The following MTMR8 variants were observed in gnomAD, a reference collection of about 807,000 sequenced individuals.
MTMR8 encodes phosphatidylinositol-3,5-bisphosphate 3-phosphatase MTMR8.
Under a neutral mutation model 39.3 loss-of-function variants are expected in MTMR8, and 65 were observed. The ratio of observed to expected loss-of-function variants is 1.65; its 90% CI spans 1.35 to 2.03. The LOEUF (loss-of-function observed/expected upper bound fraction) is 2.03. Ranked by LOEUF, MTMR8 falls within the 30% of genes most tolerant of loss-of-function variation. The pLI is 0.00. For missense variants in MTMR8, 777 were observed against 538.9 expected (o/e 1.44, Z -4.37); for synonymous variants, 245 against 185.2 (o/e 1.32, Z -2.62).
chrX:64,381,446 GTT>G (rs150707143), intron 1 of MTMR8, among the ~76,000 whole-genome samples: 7,986 of 91,711 alleles, frequency 0.087, 936 homozygotes, highest in African/African-American at 0.3. Flanking sequence ...CGATGGGGTT[GTT>G]TTTTTTTTTT....
chrX:64,280,763 T>C (rs755245978), intron 12 of MTMR8, among the ~76,000 whole-genome samples: 64 of 111,617 alleles, frequency 5.7e-4, no homozygotes, highest in Non-Finnish European at 1.0e-3. Flanking sequence ...AAATTGTCTC[T>C]GTTTGCTGAC....
chrX:64,345,092 A>G lies in MTMR8; in HGVS notation c.818T>C (p.Ile273Thr). ...GCTCCGCATTACATGGATGTTCTCA[A>G]TGCCCATGAATCTGAAGCGAATGTT... ...YANIRFRFMGIENIHVMRSSL... is the reference protein window; with the variant it reads ...YANIRFRFMGTENIHVMRSSL... The change falls in exon 7 of 14, where the codon ATT becomes ACT. Residue 273 changes from isoleucine to threonine, a missense_variant. Transcript: ENST00000374852. The G allele has an allele frequency of 8.3e-7, 1 of 1,211,126 alleles. No homozygotes were observed. The highest frequency in any genetic ancestry group is 1.1e-6 in the Non-Finnish European group (1 of 894,869).
At chrX:64,363,363 C>T (rs920883770) in intron 1 of MTMR8, among the ~76,000 whole-genome samples, 8 of 111,141 alleles carry the variant, frequency 7.2e-5, no homozygotes, top group Non-Finnish European at 5.7e-5. Context: ...TGATTTAGCC[C>T]CATCCTTTCA....
chrX:64,299,805 AC>A (rs1569213762), intron 12 of MTMR8, among the ~76,000 whole-genome samples: 2 of 100,119 alleles, frequency 2.0e-5, no homozygotes, highest in African/African-American at 7.3e-5. Flanking sequence ...GTTTCAAAGA[AC>A]ATCTTTACTT....
intron 1 of MTMR8, among the ~76,000 whole-genome samples, chrX:64,361,285 C>G (rs1923773450): frequency 9.0e-6 from 1 of 111,079 alleles, no homozygotes; most frequent in Non-Finnish European, 1.9e-5. Flanking sequence ...TTAATTACTA[C>G]CTTATCCAAT....
At chrX:64,283,022 G>A (rs749718722) in intron 12 of MTMR8, among the ~76,000 whole-genome samples, 5 of 112,099 alleles carry the variant, frequency 4.5e-5, no homozygotes, top group African/African-American at 1.3e-4. Context: ...GAAACAGGGC[G>A]AGGCATCGCC....
At chrX:64,367,549 A>G (rs1291825342) in intron 1 of MTMR8, among the ~76,000 whole-genome samples, 1 of 112,135 alleles carries the variant, frequency 8.9e-6, no homozygotes, top group African/African-American at 3.2e-5. Flanking sequence ...GCCTTTGACA[A>G]AATTCAACAG....
intron 12 of MTMR8, among the ~76,000 whole-genome samples, chrX:64,279,176 C>G (rs1931949797): frequency 8.9e-6 from 1 of 111,792 alleles, no homozygotes; most frequent in African/African-American, 3.3e-5. Flanking sequence ...CAAAGCCACC[C>G]CTTCCCCCTA....
chrX:64,343,864 G>A, intron 7 of MTMR8, 144 bp from the exon 8 acceptor site: 1 of 458,922 alleles, frequency 2.2e-6, no homozygotes, highest in Non-Finnish European at 3.8e-6. Flanking sequence ...CAGTGAGTCA[G>A]GGACAGAACT....
At chrX:64,312,556 C>T (rs903325826) in intron 12 of MTMR8, among the ~76,000 whole-genome samples, 2 of 112,248 alleles carry the variant, frequency 1.8e-5, no homozygotes, top group Admixed American at 9.5e-5. Flanking sequence ...TTGCACATGA[C>T]ATGATTGTAT....
chrX:64,270,922 C>A (rs201642976), intron 13 of MTMR8, 25 bp downstream of exon 13: 1 of 1,200,855 alleles, frequency 8.3e-7, no homozygotes, highest in African/African-American at 1.8e-5. Context: ...GCAAGAAGAT[C>A]TCTCTTTGGG....
Position 64,293,697 on chromosome X carries a change from G to T in MTMR8, c.1482-22624C>A, listed in dbSNP as rs937602817. ...TGGCTCTACAACATTGGCTGGCTTT[G>T]TTGGACATGGGTGCCCAAATCTCCC... On this transcript the variant is annotated intron_variant, in intron 12 of 13. Coordinates refer to ENST00000374852, the MANE Select transcript of MTMR8 (RefSeq NM_017677.4). 2.7e-5 allele frequency among the ~76,000 whole-genome samples: 3 copies of T among 111,155 alleles called. No homozygotes were observed. In the Admixed American group the frequency reaches 2.9e-4, roughly 11 times the overall value.
intron 1 of MTMR8, among the ~76,000 whole-genome samples, chrX:64,361,548 A>G (rs1281516770): frequency 9.0e-6 from 1 of 111,529 alleles, no homozygotes; most frequent in African/African-American, 3.2e-5. Context: ...ATGTCAACGT[A>G]ATACATCACC....
At chrX:64,281,412 C>A (rs756295806) in intron 12 of MTMR8, among the ~76,000 whole-genome samples, 165 of 111,706 alleles carry the variant, frequency 1.5e-3, no homozygotes, top group Admixed American at 3.3e-3. Context: ...CTACTACCAT[C>A]TGATCTTCGA....
chrX:64,385,820 G>A (rs899629175), intron 1 of MTMR8, among the ~76,000 whole-genome samples: 22 of 111,376 alleles, frequency 2.0e-4, no homozygotes, highest in African/African-American at 3.9e-4. Flanking sequence ...ACTAGGCCCC[G>A]TCTTCAACAT....
In MTMR8 at chrX:64,350,033, T is replaced by C; in HGVS notation, c.506A>G (p.Lys169Arg). 1 of 1,187,320 alleles carries C rather than the reference T, an allele frequency of 8.4e-7. No individual in the cohort carries two copies. Among genetic ancestry groups the C allele is most frequent in the Non-Finnish European group, 1.1e-6 (1 of 881,105 alleles). ...STYPPEIVVP[K>R]SVTLGTVVGS... ...AACCACCGTTCCCAAGGTAACAGAT[T>C]TAGGAACCACTATTTCAGGAGGGTA... is the stretch of plus-strand genomic sequence containing the variant. Residue 169 changes from lysine (K) to arginine (R), a missense_variant, in exon 5 of 14, where the codon AAA (lysine) becomes AGA (arginine). Physicochemically the swap from Lys to Arg is conservative, Grantham distance 26. Transcript: ENST00000374852.
At chrX:64,348,532 C>T (rs1414219458) in intron 6 of MTMR8, 128 bp downstream of exon 6, 3 of 849,273 alleles carry the variant, frequency 3.5e-6, no homozygotes, top group African/African-American at 2.1e-5. Context: ...AATGATTTTA[C>T]ACAATGTCTG....
At chrX:64,376,779 T>C in intron 1 of MTMR8, among the ~76,000 whole-genome samples, 1 of 112,132 alleles carries the variant, frequency 8.9e-6, no homozygotes, top group Non-Finnish European at 1.9e-5. Context: ...GAGCCAGATG[T>C]TAATAGCCAA....
intron 11 of MTMR8, among the ~76,000 whole-genome samples, chrX:64,330,897 C>A (rs1263547266): frequency 4.5e-5 from 5 of 111,388 alleles, no homozygotes; most frequent in Non-Finnish European, 7.5e-5. Context: ...AATGTGAAAT[C>A]TACTGATATT....
Sources: allele counts gnomAD v4.1 joint callset (sites outside exome capture counted in the v4.1 genomes callset), GRCh38; gene constraint gnomAD v4.1.1; transcripts MANE v1.5; gene names NCBI Gene and HGNC (gene_info 2026-07-23, HGNC 2026-07-21).